The following TFAP2D variants were observed in gnomAD, a reference collection of about 807,000 sequenced individuals.
TFAP2D encodes the protein transcription factor AP-2-delta.
TFAP2D carries 9 observed loss-of-function variants against 43.6 expected under a neutral mutation model. That is an observed-to-expected ratio of 0.21 (90% CI 0.12 to 0.36). TFAP2D has a LOEUF of 0.36. Among genes scored for constraint, TFAP2D ranks in the 10% least tolerant of loss-of-function variants. The probability of loss-of-function intolerance (pLI) is 1.00; values close to 1 mark genes in which losing one functional copy is unlikely to be tolerated. For missense variants in TFAP2D, 513 were observed against 561.4 expected (o/e 0.91, Z 0.87); for synonymous variants, 256 against 224.9 (o/e 1.14, Z -1.24).
At chr6:50,766,291 A>G (rs116653139) in intron 7 of TFAP2D, among the ~76,000 whole-genome samples, 53 of 152,298 alleles carry the variant, frequency 3.5e-4, no homozygotes, top group Non-Finnish European at 7.1e-4. Context: ...TGAAATCAGT[A>G]GCATGATATT....
At chr6:50,733,506 G>C (rs947076317) in intron 5 of TFAP2D, among the ~76,000 whole-genome samples, 1 of 152,076 alleles carries the variant, frequency 6.6e-6, no homozygotes, top group East Asian at 1.9e-4. Flanking sequence ...CTCTTCTAGA[G>C]TGGAAATAAT....
At chr6:50,741,709 AGG>A (rs2113880745) in intron 5 of TFAP2D, among the ~76,000 whole-genome samples, 1 of 151,616 alleles carries the variant, frequency 6.6e-6, no homozygotes, top group South Asian at 2.1e-4. Flanking sequence ...TAAAAAAAAA[AGG>A]TGCATGGCCA....
chr6:50,771,671 G>A (rs1205383340), intron 7 of TFAP2D, among the ~76,000 whole-genome samples: 2 of 152,128 alleles, frequency 1.3e-5, no homozygotes, highest in Non-Finnish European at 2.9e-5. Flanking sequence ...AATAATTAGT[G>A]CGTATCAATC....
intron 1 of TFAP2D, among the ~76,000 whole-genome samples, chr6:50,714,823 G>A (rs998838954): frequency 2.0e-5 from 3 of 152,048 alleles, no homozygotes; most frequent in African/African-American, 7.2e-5. Context: ...GTCTGTGTGT[G>A]TGTGTCTGTG....
chr6:50,732,227 G>GA (rs1184882871), intron 5 of TFAP2D, among the ~76,000 whole-genome samples: 1 of 151,980 alleles, frequency 6.6e-6, no homozygotes, highest in Non-Finnish European at 1.5e-5. Flanking sequence ...GAAAGAATAC[G>GA]AATATTTCTT....
At chr6:50,765,575 T>C (rs1020698788) in intron 7 of TFAP2D, among the ~76,000 whole-genome samples, 4 of 152,236 alleles carry the variant, frequency 2.6e-5, no homozygotes, top group African/African-American at 9.6e-5. Context: ...TGAAGTGATA[T>C]CTCATTGTAG....
intron 6 of TFAP2D, among the ~76,000 whole-genome samples, chr6:50,746,051 AT>A (rs1769121230): frequency 6.6e-6 from 1 of 152,250 alleles, no homozygotes; most frequent in Non-Finnish European, 1.5e-5. Context: ...TTAGAGGAAA[AT>A]CCTTCTGGTA....
intron 5 of TFAP2D, among the ~76,000 whole-genome samples, chr6:50,736,787 T>G (rs1353859257): frequency 2.0e-5 from 3 of 152,152 alleles, no homozygotes; most frequent in Admixed American, 2.0e-4. Context: ...AAGACAAATA[T>G]AGCCAAACCA....
intron 7 of TFAP2D, among the ~76,000 whole-genome samples, chr6:50,754,567 T>C (rs971664234): frequency 6.6e-6 from 1 of 151,948 alleles, no homozygotes; most frequent in Non-Finnish European, 1.5e-5. Context: ...TTGTCATTTT[T>C]TGAGGGCCTA....
intron 6 of TFAP2D, 92 bp downstream of exon 6, chr6:50,745,340 C>T (rs896671729): frequency 1.4e-5 from 22 of 1,538,930 alleles, no homozygotes; most frequent in Non-Finnish European, 1.8e-5. Flanking sequence ...AGAAGGCACC[C>T]GTTCTCTAAA....
chr6:50,738,340 G>A (rs1163099960), intron 5 of TFAP2D, among the ~76,000 whole-genome samples: 1 of 151,854 alleles, frequency 6.6e-6, no homozygotes, highest in Non-Finnish European at 1.5e-5. Context: ...ATGGGTTTTT[G>A]TTTATTTGCT....
intron 7 of TFAP2D, among the ~76,000 whole-genome samples, chr6:50,768,997 T>G (rs1482124996): frequency 6.6e-6 from 1 of 150,812 alleles, no homozygotes; most frequent in Non-Finnish European, 1.5e-5. Flanking sequence ...GTTCAAGCGG[T>G]TCTCCTGCCT....
At chr6:50,760,895 G>T (rs1769353254) in intron 7 of TFAP2D, among the ~76,000 whole-genome samples, 1 of 151,084 alleles carries the variant, frequency 6.6e-6, no homozygotes, top group African/African-American at 2.4e-5. Flanking sequence ...GTTGTTGAGG[G>T]TCTGTTCCCC....
intron 3 of TFAP2D, among the ~76,000 whole-genome samples, chr6:50,720,410 T>TTTAGTGGA (rs1165574953): frequency 3.3e-5 from 5 of 151,960 alleles, no homozygotes; most frequent in Admixed American, 3.3e-4. Context: ...TGGTTATTGT[T>TTTAGTGGA]TTAGTGGATG....
intron 3 of TFAP2D, among the ~76,000 whole-genome samples, chr6:50,722,850 A>T (rs1318471287): frequency 6.6e-6 from 1 of 152,078 alleles, no homozygotes; most frequent in Non-Finnish European, 1.5e-5. Flanking sequence ...AAAATGAAAA[A>T]AGTGAAGAGG....
In TFAP2D at chr6:50,714,968, G is replaced by C. The variant is rs1455908738; in HGVS notation, c.40-148G>C. ...AAAGGCTCTCTGGTGAAGACGCTGA[G>C]ACCCGGCTTCGGCTCGGCCCGAGTC... On this transcript the variant is annotated intron_variant, in intron 1 of 7. Coordinates refer to ENST00000008391, the MANE Select transcript of TFAP2D (RefSeq NM_172238.4). 6 of 1,052,988 alleles carry C rather than the reference G, an allele frequency of 5.7e-6. No homozygotes were observed. In the African/African-American group the frequency reaches 8.0e-5, roughly 14 times the overall value. 65.2% of individuals were successfully genotyped at this position (1,052,988 alleles called of 1,614,324 possible).
chr6:50,721,384 T>C (rs1240916024), intron 3 of TFAP2D, among the ~76,000 whole-genome samples: 2 of 152,204 alleles, frequency 1.3e-5, no homozygotes, highest in Non-Finnish European at 2.9e-5. Context: ...TTAACCTAGT[T>C]GAGCCTTGGA....
At chr6:50,724,892 C>T (rs1768786232) in intron 3 of TFAP2D, among the ~76,000 whole-genome samples, 1 of 151,912 alleles carries the variant, frequency 6.6e-6, no homozygotes, top group South Asian at 2.1e-4. Context: ...GGTTGCCGAG[C>T]GTGCGTGCAT....
At chr6:50,727,823 C>T (rs766084276) in intron 3 of TFAP2D, among the ~76,000 whole-genome samples, 14 of 152,224 alleles carry the variant, frequency 9.2e-5, no homozygotes, top group African/African-American at 1.9e-4. Flanking sequence ...TTTTGGATCC[C>T]GGAACTGTAT....
Sources: gnomAD v4.1 joint callset for allele counts (sites outside exome capture counted in the v4.1 genomes callset) on GRCh38, gnomAD v4.1.1 for gene constraint, MANE v1.5 for transcripts, NCBI Gene and HGNC (gene_info 2026-07-23, HGNC 2026-07-21) for gene names.